TMLHE: variants seen among roughly 807,000 people sequenced by gnomAD.
TMLHE encodes trimethyllysine dioxygenase, mitochondrial.
Under a neutral mutation model 25.7 loss-of-function variants are expected in TMLHE, and 18 were observed. The observed-to-expected ratio is 0.70, with a 90% confidence interval of 0.48 to 1.04. TMLHE has a LOEUF of 1.04. Among genes scored for constraint, TMLHE ranks in the 50% least tolerant of loss-of-function variants. The pLI is 0.00. For missense variants in TMLHE, 236 were observed against 259.0 expected, an observed-to-expected ratio of 0.91 and a Z score of 0.61; for synonymous variants, 105 against 97.0, an observed-to-expected ratio of 1.08 and a Z score of -0.49.
intron 2 of TMLHE, among the ~76,000 whole-genome samples, chrX:155,543,824 G>C (rs1301235046): frequency 8.9e-6 from 1 of 111,863 alleles, no homozygotes; most frequent in African/African-American, 3.2e-5. Context: ...TAGAGCAATA[G>C]CTACTGAGGT....
At chrX:155,577,449 T>G (rs1351328855) in intron 1 of TMLHE, among the ~76,000 whole-genome samples, 2 of 109,800 alleles carry the variant, frequency 1.8e-5, no homozygotes, top group African/African-American at 6.6e-5. Flanking sequence ...CATGGTGGTG[T>G]GCACTTGTAG....
intron 1 of TMLHE, among the ~76,000 whole-genome samples, chrX:155,607,185 T>C (rs1311681928): frequency 9.0e-6 from 1 of 111,105 alleles, no homozygotes; most frequent in South Asian, 3.8e-4. Flanking sequence ...TTCAGGCCAA[T>C]ATCCGTGAAG....
At chrX:155,592,575 A>G (rs2124486547) in intron 1 of TMLHE, among the ~76,000 whole-genome samples, 1 of 112,133 alleles carries the variant, frequency 8.9e-6, no homozygotes, top group Admixed American at 9.4e-5. Context: ...CTACAGTGGG[A>G]AAAGAGAACC....
At chrX:155,510,590 T>G (rs1303755267) in intron 5 of TMLHE, among the ~76,000 whole-genome samples, 2 of 109,767 alleles carry the variant, frequency 1.8e-5, no homozygotes, top group African/African-American at 3.3e-5. Context: ...CATCATTTTT[T>G]ATGGCTGCAT....
chrX:155,563,394 A>G (rs2067503054), intron 1 of TMLHE, among the ~76,000 whole-genome samples: 1 of 62,081 alleles, frequency 1.6e-5, no homozygotes, highest in Admixed American at 1.9e-4. Context: ...AACAACAAGG[A>G]GAAAGTCCAC....
intron 1 of TMLHE, among the ~76,000 whole-genome samples, chrX:155,578,846 C>T (rs182158369): frequency 9.9e-5 from 11 of 111,323 alleles, no homozygotes; most frequent in Middle Eastern, 4.6e-3. Context: ...CATCACAGCC[C>T]CAGAAAAACT....
intron 1 of TMLHE, among the ~76,000 whole-genome samples, chrX:155,552,006 T>G (rs113189196): frequency 0.049 from 5,399 of 110,018 alleles, 527 homozygotes; most frequent in African/African-American, 0.17. Context: ...GACTGTATGA[T>G]TTTTCTCCTT....
chrX:155,556,987 C>T (rs181900075), intron 1 of TMLHE, among the ~76,000 whole-genome samples: 12 of 112,283 alleles, frequency 1.1e-4, no homozygotes, highest in Admixed American at 5.6e-4. Flanking sequence ...CCCAGCTCAC[C>T]GGCAGTCAGA....
At chrX:155,584,325 AAAG>A (rs1364746458) in intron 1 of TMLHE, among the ~76,000 whole-genome samples, 1 of 110,953 alleles carries the variant, frequency 9.0e-6, no homozygotes, top group Non-Finnish European at 1.9e-5. Context: ...AATAAATAAA[AAAG>A]AATTAAATAG....
chrX:155,536,040 T>C (rs1203577423), intron 2 of TMLHE, among the ~76,000 whole-genome samples: 1 of 111,980 alleles, frequency 8.9e-6, no homozygotes, highest in Non-Finnish European at 1.9e-5. Flanking sequence ...GCCTAGTTCA[T>C]ATTCAATACT....
chrX:155,595,727 G>A (rs1309713126), intron 1 of TMLHE, among the ~76,000 whole-genome samples: 1 of 111,883 alleles, frequency 8.9e-6, no homozygotes, highest in Non-Finnish European at 1.9e-5. Flanking sequence ...ATGGGTACAG[G>A]ATTTCTATGA....
At chrX:155,608,056 T>A (rs1258155452) in intron 1 of TMLHE, among the ~76,000 whole-genome samples, 2 of 111,929 alleles carry the variant, frequency 1.8e-5, no homozygotes, top group East Asian at 2.8e-4. Context: ...TTAAAAAAAA[T>A]TATTCTAAAA....
chrX:155,538,442 A>G lies in TMLHE; in HGVS notation c.181+6654T>C, dbSNP rs139985936. On this transcript the variant is annotated intron_variant, in intron 2 of 7. Transcript: ENST00000334398. ...CTAGTATCATTTTAAACTCATCATG[A>G]AAAATCTCAAATTAGTACTCAATAT... Among the ~76,000 whole-genome samples, 291 of 111,628 alleles carry G rather than the reference A, an allele frequency of 2.6e-3. 2 individuals are homozygous for G. The highest frequency in any genetic ancestry group is 9.2e-3 in the African/African-American group (284 of 30,765).
intron 1 of TMLHE, among the ~76,000 whole-genome samples, chrX:155,592,535 A>G (rs782348859): frequency 8.2e-4 from 92 of 112,074 alleles, no homozygotes; most frequent in Non-Finnish European, 1.5e-3. Flanking sequence ...ACAGTGCCAT[A>G]CAGAGACAGT....
At chrX:155,505,223 G>T (rs782238993) in intron 6 of TMLHE, among the ~76,000 whole-genome samples, 1 of 111,583 alleles carries the variant, frequency 9.0e-6, no homozygotes, top group Non-Finnish European at 1.9e-5. Context: ...CTAGATGTAA[G>T]TCTATGGCTT....
chrX:155,584,592 A>G (rs192578740), intron 1 of TMLHE, among the ~76,000 whole-genome samples: 1 of 111,618 alleles, frequency 9.0e-6, no homozygotes, highest in East Asian at 2.8e-4. Context: ...GTCAAAGATA[A>G]AACAGGATTC....
intron 4 of TMLHE, among the ~76,000 whole-genome samples, chrX:155,512,339 C>T (rs1392687457): frequency 9.7e-5 from 9 of 93,006 alleles, no homozygotes; most frequent in Non-Finnish European, 1.5e-4. Flanking sequence ...CCACAACAGT[C>T]CCCAGAGTGT....
chrX:155,535,398 A>G (rs1262421750), intron 2 of TMLHE, among the ~76,000 whole-genome samples: 1 of 112,095 alleles, frequency 8.9e-6, no homozygotes, highest in Admixed American at 9.4e-5. Context: ...TGCTGTGCAG[A>G]TGGCTACCTT....
chrX:155,563,139 TG>T (rs1386520489), intron 1 of TMLHE, among the ~76,000 whole-genome samples: 1 of 62,674 alleles, frequency 1.6e-5, no homozygotes, highest in African/African-American at 3.5e-5. Flanking sequence ...ACCCATTTTC[TG>T]TATTCGTCCA....
Sources: allele counts gnomAD v4.1 joint callset (sites outside exome capture counted in the v4.1 genomes callset), GRCh38; gene constraint gnomAD v4.1.1; transcripts MANE v1.5; gene names NCBI Gene and HGNC (gene_info 2026-07-23, HGNC 2026-07-21).